Variants in CCSER1 observed in about 807,000 individuals in gnomAD.
CCSER1 encodes serine-rich coiled-coil domain-containing protein 1.
A neutral mutation model predicts 82.0 loss-of-function variants in CCSER1; 41 were observed. The observed-to-expected ratio is 0.50, with a 90% CI of 0.39 to 0.65. The LOEUF is 0.65. Among genes scored for constraint, CCSER1 ranks in the 30% least tolerant of loss-of-function variants. CCSER1 has a pLI of 0.00. For synonymous variants in CCSER1, 414 were observed against 383.9 expected, an observed-to-expected ratio of 1.08 and a Z score of -0.92; for missense variants, 1,119 against 1,064.2, an observed-to-expected ratio of 1.05 and a Z score of -0.72.
intron 6 of CCSER1, among the ~76,000 whole-genome samples, chr4:90,636,537 G>GT (rs1374709774): frequency 6.6e-5 from 10 of 151,692 alleles, no homozygotes; most frequent in African/African-American, 2.4e-5. Context: ...TTTCATTCCA[G>GT]TTTTTTTAGC....
intron 10 of CCSER1, among the ~76,000 whole-genome samples, chr4:91,100,439 A>AT: frequency 6.6e-6 from 1 of 152,052 alleles, no homozygotes; most frequent in East Asian, 1.9e-4. Context: ...AGAGTGTTTG[A>AT]GTGTCATGCT....
intron 6 of CCSER1, among the ~76,000 whole-genome samples, chr4:90,701,679 T>C (rs1167813863): frequency 2.0e-5 from 3 of 150,850 alleles, no homozygotes; most frequent in Non-Finnish European, 4.5e-5. Context: ...GGTTTGTAGT[T>C]TTCCTTCACA....
At chr4:91,507,949 T>C (rs1471978134) in intron 10 of CCSER1, among the ~76,000 whole-genome samples, 1 of 150,478 alleles carries the variant, frequency 6.6e-6, no homozygotes, top group Non-Finnish European at 1.5e-5. Context: ...TCTGAGCTGG[T>C]TTATTAGTTC....
intron 10 of CCSER1, among the ~76,000 whole-genome samples, chr4:91,573,609 GC>G (rs1763298038): frequency 6.6e-6 from 1 of 152,152 alleles, no homozygotes; most frequent in South Asian, 2.1e-4. Context: ...CATTCACTCA[GC>G]ACTTCCCAGA....
At chr4:91,292,853 C>T (rs924093759) in intron 10 of CCSER1, among the ~76,000 whole-genome samples, 2 of 151,802 alleles carry the variant, frequency 1.3e-5, no homozygotes, top group Non-Finnish European at 1.5e-5. Flanking sequence ...CTTGAGTATC[C>T]ACTTGTCTAT....
intron 1 of CCSER1, among the ~76,000 whole-genome samples, chr4:90,265,001 T>C (rs191846766): frequency 1.9e-3 from 290 of 152,200 alleles, no homozygotes; most frequent in African/African-American, 6.8e-3. Flanking sequence ...TCTGTCTTCA[T>C]AAACTATGTG....
intron 5 of CCSER1, among the ~76,000 whole-genome samples, chr4:90,471,979 A>G (rs973349684): frequency 6.6e-6 from 1 of 150,600 alleles, no homozygotes; most frequent in African/African-American, 2.4e-5. Flanking sequence ...CGCCATCTCA[A>G]AAAAAAAAAT....
At chr4:90,957,702 A>G (rs1348839274) in intron 9 of CCSER1, among the ~76,000 whole-genome samples, 3 of 20,076 alleles carry the variant, frequency 1.5e-4, no homozygotes, top group Admixed American at 6.0e-4. Context: ...TTCATGGTGT[A>G]TATATATATA....
intron 1 of CCSER1, among the ~76,000 whole-genome samples, chr4:90,138,109 A>T (rs1003071749): frequency 2.0e-5 from 3 of 152,230 alleles, no homozygotes; most frequent in Non-Finnish European, 4.4e-5. Context: ...CAGCTGGTCT[A>T]AACCAGAGGT....
intron 3 of CCSER1, chr4:90,370,136 T>C (rs1245800604): frequency 6.6e-6 from 1 of 152,122 alleles, no homozygotes; most frequent in African/African-American, 2.4e-5. Flanking sequence ...TGTCATGCCA[T>C]CTGGCACTGA....
intron 10 of CCSER1, among the ~76,000 whole-genome samples, chr4:91,446,882 T>A (rs1922234): frequency 0.85 from 129,542 of 151,852 alleles, 55,712 homozygotes; most frequent in African/African-American, 0.96. Context: ...GGCAATATAT[T>A]GAATTTCTTC....
intron 9 of CCSER1, among the ~76,000 whole-genome samples, chr4:91,066,588 A>C (rs1720837442): frequency 6.6e-6 from 1 of 152,252 alleles, no homozygotes; most frequent in Non-Finnish European, 1.5e-5. Context: ...AGCCGGTGTG[A>C]ATAGATAATT....
chr4:90,774,152 G>T (rs1277327312), intron 7 of CCSER1, among the ~76,000 whole-genome samples: 1 of 151,906 alleles, frequency 6.6e-6, no homozygotes, highest in Non-Finnish European at 1.5e-5. Context: ...TAACTATAAG[G>T]TTACATTTTG....
intron 3 of CCSER1, among the ~76,000 whole-genome samples, chr4:90,335,508 A>G (rs1163125351): frequency 6.6e-6 from 1 of 152,184 alleles, no homozygotes; most frequent in African/African-American, 2.4e-5. Flanking sequence ...ACCTAAGAAT[A>G]TGAGCTTTCT....
rs541008173 is a variant in CCSER1 at position 90,224,730 on chromosome 4, T to C, written c.-41-83514T>C. On this transcript the variant is annotated intron_variant, in intron 1 of 10. Coordinates refer to ENST00000509176, the MANE Select transcript of CCSER1 (RefSeq NM_001145065.2). ...GCATGTAATAGACACTCAAAACAGA[T>C]TTTTTTGAATAAATGAGTGGTAGTA... is the stretch of plus-strand genomic sequence containing the variant. Among the ~76,000 whole-genome samples the C allele has an allele frequency of 4.6e-5, 7 of 152,300 alleles. No homozygotes were observed. In the East Asian group the frequency reaches 1.4e-3, roughly 29 times the overall value.
chr4:90,833,039 T>A (rs1277221271), intron 8 of CCSER1, among the ~76,000 whole-genome samples: 1 of 152,204 alleles, frequency 6.6e-6, no homozygotes, highest in Non-Finnish European at 1.5e-5. Context: ...AATGGGCTTA[T>A]CCTAATTTTC....
intron 1 of CCSER1, among the ~76,000 whole-genome samples, chr4:90,285,340 T>C (rs115389149): frequency 0.016 from 2,366 of 152,158 alleles, 38 homozygotes; most frequent in African/African-American, 0.047. Flanking sequence ...TTTTATAGTT[T>C]CCATTGTAGA....
Position 90,391,285 on chromosome 4 carries a change from AAG to A in CCSER1, c.1510-8749_1510-8748del, listed in dbSNP as rs1491044373. On this transcript the variant is annotated intron_variant, in intron 3 of 10. Coordinates refer to ENST00000509176, the MANE Select transcript of CCSER1 (RefSeq NM_001145065.2). ...AAGACTCTGTCTCAAAAAAAAAAAA[AAG>A]AAAAAAAAAGAAAAAGAAGTAGCCC... Among the ~76,000 whole-genome samples, 652 of 136,356 alleles carry A rather than the reference AAG, an allele frequency of 4.8e-3. 97 individuals are homozygous for A. The highest frequency in any genetic ancestry group is 0.017 in the African/African-American group (568 of 32,540). The allele number at this position is 136,356 out of a possible 152,430, so 89.5% of individuals were successfully genotyped here. A position where few individuals can be genotyped will look rare whatever the true frequency, so the allele number is the denominator to read the frequency against.
chr4:90,387,639 A>G (rs1179058077), intron 3 of CCSER1, among the ~76,000 whole-genome samples: 1 of 152,198 alleles, frequency 6.6e-6, no homozygotes, highest in Non-Finnish European at 1.5e-5. Context: ...CAATCAATCA[A>G]TCAGTCAATG....
Sources: allele counts gnomAD v4.1 joint callset (sites outside exome capture counted in the v4.1 genomes callset), GRCh38; gene constraint gnomAD v4.1.1; transcripts MANE v1.5; gene names NCBI Gene and HGNC (gene_info 2026-07-23, HGNC 2026-07-21).